Variants in CFAP299 observed in about 807,000 individuals in gnomAD.
CFAP299 encodes the protein cilia- and flagella-associated protein 299.
In CFAP299, 21 loss-of-function variants were observed where a neutral mutation model predicts 27.0. That is an observed-to-expected ratio of 0.78 (90% confidence interval 0.55 to 1.12). The LOEUF is 1.12. Among genes scored for constraint, CFAP299 ranks in the 50% most tolerant of loss-of-function variants. The probability of loss-of-function intolerance (pLI) is 0.00; values close to 1 mark genes in which losing one functional copy is unlikely to be tolerated. For missense variants in CFAP299, 310 were observed against 276.6 expected (o/e 1.12, Z -0.86); for synonymous variants, 104 against 98.1 (o/e 1.06, Z -0.36).
chr4:80,469,448 A>G (rs1466118078), intron 2 of CFAP299, among the ~76,000 whole-genome samples: 1 of 152,184 alleles, frequency 6.6e-6, no homozygotes, highest in African/African-American at 2.4e-5. Flanking sequence ...TCATCTGTTA[A>G]GTGGGGATAT....
chr4:80,625,808 T>C (rs1296543345), intron 3 of CFAP299, among the ~76,000 whole-genome samples: 1 of 151,994 alleles, frequency 6.6e-6, no homozygotes, highest in African/African-American at 2.4e-5. Context: ...TGTATCATTA[T>C]AAATGGGTCA....
intron 2 of CFAP299, among the ~76,000 whole-genome samples, chr4:80,407,635 TGAA>T (rs1726500369): frequency 6.6e-6 from 1 of 152,132 alleles, no homozygotes; most frequent in African/African-American, 2.4e-5. Context: ...ATGCAAAGGG[TGAA>T]GAAATAGATT....
chr4:80,737,262 A>G (rs1365005750), intron 3 of CFAP299, among the ~76,000 whole-genome samples: 2 of 152,048 alleles, frequency 1.3e-5, no homozygotes, highest in East Asian at 1.9e-4. Context: ...ATGTATACAT[A>G]TGTAACTAAC....
Position 80,532,630 on chromosome 4 carries a change from C to CTA in CFAP299, c.243-50460_243-50459dup, listed in dbSNP as rs559842569. On this transcript the variant is annotated intron_variant, in intron 2 of 5. Transcript: ENST00000358105. ...TAATTAGTGAGGAGTAAATGACATA[C>CTA]TATAGGTAAATTATATAAATCCCAT... 2.0e-5 allele frequency among the ~76,000 whole-genome samples: 3 copies of CTA among 152,288 alleles called. No homozygotes were observed. In the South Asian group the frequency reaches 6.2e-4, roughly 32 times the overall value.
chr4:80,607,915 A>G (rs1261529304), intron 3 of CFAP299, among the ~76,000 whole-genome samples: 1 of 152,198 alleles, frequency 6.6e-6, no homozygotes, highest in African/African-American at 2.4e-5. Flanking sequence ...CCAACTTGGA[A>G]ATTACATTGA....
At chr4:80,627,268 CA>C (rs1393743711) in intron 3 of CFAP299, among the ~76,000 whole-genome samples, 1 of 151,618 alleles carries the variant, frequency 6.6e-6, no homozygotes, top group African/African-American at 2.4e-5. Flanking sequence ...TCCGTAGGTG[CA>C]AAAAAATTTG....
intron 3 of CFAP299, among the ~76,000 whole-genome samples, chr4:80,835,157 C>T (rs996638464): frequency 1.3e-5 from 2 of 152,066 alleles, no homozygotes; most frequent in Non-Finnish European, 2.9e-5. Context: ...CGCTCTGTCG[C>T]CCAGGCTGCA....
intron 2 of CFAP299, among the ~76,000 whole-genome samples, chr4:80,414,088 T>TG (rs1726874402): frequency 6.7e-6 from 1 of 149,150 alleles, no homozygotes; most frequent in Non-Finnish European, 1.5e-5. Context: ...TTTTTTTTTT[T>TG]GAGACGGAGT....
chr4:80,346,261 A>G (rs1722721165), intron 1 of CFAP299, among the ~76,000 whole-genome samples: 1 of 152,138 alleles, frequency 6.6e-6, no homozygotes, highest in African/African-American at 2.4e-5. Flanking sequence ...TTTGCTGTGC[A>G]GAAGCTCTTT....
intron 3 of CFAP299, among the ~76,000 whole-genome samples, chr4:80,661,365 C>A (rs1376579664): frequency 6.6e-6 from 1 of 151,044 alleles, no homozygotes; most frequent in East Asian, 1.9e-4. Context: ...AAGTCAGGAA[C>A]CCTGAACGGA....
intron 3 of CFAP299, among the ~76,000 whole-genome samples, chr4:80,853,746 A>G (rs1731663085): frequency 6.6e-6 from 1 of 152,218 alleles, no homozygotes; most frequent in African/African-American, 2.4e-5. Flanking sequence ...GTGAAGTGTC[A>G]TGAAAAGTAG....
chr4:80,515,775 AT>A (rs1464901889), intron 2 of CFAP299, among the ~76,000 whole-genome samples: 2 of 152,120 alleles, frequency 1.3e-5, no homozygotes, highest in African/African-American at 2.4e-5. Context: ...ACATGCATTT[AT>A]TTATCTGTTC....
Position 80,484,361 on chromosome 4 carries a change from G to T in CFAP299, c.243-98732G>T, listed in dbSNP as rs1730710755. 2.0e-5 allele frequency among the ~76,000 whole-genome samples: 3 copies of T among 152,180 alleles called. No homozygotes were observed. The South Asian group carries it at 6.2e-4, about 32-fold the overall frequency. ...AATAAAATATTTTCCCCATATACCTGTATAACCTGGCGGTTAGCAATTTAG... is the reference window on the plus strand; with the variant it reads ...AATAAAATATTTTCCCCATATACCTTTATAACCTGGCGGTTAGCAATTTAG... On this transcript the variant is annotated intron_variant, in intron 2 of 5. Transcript: ENST00000358105.
At chr4:80,711,217 CAGGG>C (rs1412875946) in intron 3 of CFAP299, among the ~76,000 whole-genome samples, 4 of 152,160 alleles carry the variant, frequency 2.6e-5, no homozygotes, top group Non-Finnish European at 4.4e-5. Context: ...ACCCTGAAAG[CAGGG>C]GAGAGCCGGC....
At chr4:80,410,698 GAA>G (rs1578413126) in intron 2 of CFAP299, among the ~76,000 whole-genome samples, 1 of 152,212 alleles carries the variant, frequency 6.6e-6, no homozygotes, top group East Asian at 1.9e-4. Context: ...TATTGAAGAT[GAA>G]GCATTGCATT....
intron 3 of CFAP299, among the ~76,000 whole-genome samples, chr4:80,721,434 T>C (rs1722805010): frequency 6.6e-6 from 1 of 152,212 alleles, no homozygotes; most frequent in Non-Finnish European, 1.5e-5. Flanking sequence ...TTGTATCCCA[T>C]GTCTTAACAT....
chr4:80,847,986 G>A (rs6847674), intron 3 of CFAP299, among the ~76,000 whole-genome samples: 17,169 of 151,978 alleles, frequency 0.11, 1,227 homozygotes, highest in Middle Eastern at 0.2. Flanking sequence ...GAGGTGAGTG[G>A]ATCGCTTGAA....
intron 3 of CFAP299, among the ~76,000 whole-genome samples, chr4:80,688,960 G>A (rs1341705436): frequency 6.6e-6 from 1 of 152,068 alleles, no homozygotes; most frequent in South Asian, 2.1e-4. Context: ...AAGATGAAAT[G>A]AATGAAATGA....
intron 3 of CFAP299, among the ~76,000 whole-genome samples, chr4:80,861,260 A>G (rs71596038): frequency 0.15 from 22,627 of 152,148 alleles, 2,033 homozygotes; most frequent in Middle Eastern, 0.27. Flanking sequence ...TAAGCCCGTC[A>G]GAAAAGTGCA....
Sources: allele counts gnomAD v4.1 joint callset (sites outside exome capture counted in the v4.1 genomes callset), GRCh38; gene constraint gnomAD v4.1.1; transcripts MANE v1.5; gene names NCBI Gene and HGNC (gene_info 2026-07-23, HGNC 2026-07-21).